Variants in PKLR observed in about 807,000 individuals in gnomAD.
PKLR encodes the protein pyruvate kinase L/R.
Under a neutral mutation model 53.6 loss-of-function variants are expected in PKLR, and 38 were observed. The observed-to-expected ratio is 0.71, with a 90% CI of 0.55 to 0.93. The LOEUF (loss-of-function observed/expected upper bound fraction) is 0.93. PKLR is among the 40% of genes least tolerant of loss of function. PKLR has a pLI of 0.00. For synonymous variants in PKLR, 328 were observed against 316.2 expected, an observed-to-expected ratio of 1.04 and a Z score of -0.39; for missense variants, 702 against 787.3, an observed-to-expected ratio of 0.89 and a Z score of 1.30.
At position 155,299,389 on chromosome 1, in the gene PKLR, C is replaced by T. The variant is rs202043473; in HGVS notation, c.283+709G>A. On this transcript the variant is annotated intron_variant, in intron 2 of 10. Coordinates refer to ENST00000342741, the MANE Select transcript of PKLR (RefSeq NM_000298.6). ...TATTTTTTGTAGAGATGGGTTTTGCCATTTACCCAGACTGGTCTCAAACTC... is the reference window on the plus strand; with the variant it reads ...TATTTTTTGTAGAGATGGGTTTTGCTATTTACCCAGACTGGTCTCAAACTC... 4.7e-5 allele frequency among the ~76,000 whole-genome samples: 7 copies of T among 150,340 alleles called. No individual in the cohort carries two copies. In the East Asian group the frequency reaches 1.4e-3, roughly 29 times the overall value.
chr1:155,295,791 C>T lies in PKLR; in HGVS notation c.284-35G>A. The T allele has an allele frequency of 2.5e-6, 4 of 1,589,548 alleles. No individual in the cohort carries two copies. The highest frequency in any genetic ancestry group is 1.1e-5 in the South Asian group (1 of 90,632). The stretch of plus-strand genomic sequence containing the variant: ...GAGATTCACGTTCAGACAACGTTCC[C>T]CCAGAACATGAGAGGCAACCAAACC... On this transcript the variant is annotated intron_variant, in intron 2 of 10. Coordinates refer to ENST00000342741, the MANE Select transcript of PKLR (RefSeq NM_000298.6). This position sits in a 1 kb window ranked among gnomAD's most constrained non-coding sequence, Gnocchi z 4.3.
intron 2 of PKLR, among the ~76,000 whole-genome samples, chr1:155,299,436 A>G (rs1045485195): frequency 4.1e-5 from 6 of 146,132 alleles, no homozygotes; most frequent in African/African-American, 1.5e-4. Flanking sequence ...CGATCTGCCA[A>G]CCTTGGCCTC....
At chr1:155,297,521 A>T (rs1364463855) in intron 2 of PKLR, among the ~76,000 whole-genome samples, 2 of 151,750 alleles carry the variant, frequency 1.3e-5, no homozygotes, top group East Asian at 3.9e-4. Flanking sequence ...ACTTCTCACC[A>T]CCTCACTGCC....
chr1:155,307,713 G>C, the PKLR span, among the ~76,000 whole-genome samples: 7 of 152,280 alleles, frequency 4.6e-5, no homozygotes, highest in South Asian at 1.5e-3. Flanking sequence ...CAAGTGGCTC[G>C]TACTTGTAAT....
rs377371135 is a variant in PKLR, at chr1:155,295,626, C to T, written c.375+39G>A. 1,143 of 1,613,984 alleles carry T rather than the reference C, an allele frequency of 7.1e-4. No homozygotes were observed. The highest frequency in any genetic ancestry group is 8.5e-4 in the Non-Finnish European group (1,001 of 1,179,932). On this transcript the variant is annotated intron_variant, in intron 3 of 10. Transcript: ENST00000342741. The surrounding 1 kb of genome is among the most constrained non-coding windows in gnomAD (Gnocchi z 4.3). ...GAAGGTGGCCAGGACCTCGAGGCAT[C>T]CTCCTGCCCCACCCACTGCCCGGCG...
chr1:155,300,816 C>T (rs371478441), intron 1 of PKLR: 1 of 1,582,264 alleles, frequency 6.3e-7, no homozygotes, highest in Non-Finnish European at 8.6e-7. Context: ...AAAGCTGCTA[C>T]AGACACAGAG....
intron 9 of PKLR, 106 bp from the exon 10 acceptor site, chr1:155,292,043 T>A: frequency 2.8e-6 from 3 of 1,069,456 alleles, no homozygotes; most frequent in Non-Finnish European, 4.2e-6. Context: ...TGTGTGACCC[T>A]GGGTAAGTCA....
Position 155,300,291 on chromosome 1 carries a change from A to G in PKLR, c.101-11T>C. 9.6e-6 allele frequency: 15 copies of G among 1,568,034 alleles called. No individual in the cohort carries two copies. Among genetic ancestry groups the G allele is most frequent in the Non-Finnish European group, 1.3e-5 (15 of 1,157,114 alleles). On this transcript the variant is annotated splice_polypyrimidine_tract_variant and intron_variant, in intron 1 of 10. Coordinates refer to ENST00000342741, the MANE Select transcript of PKLR (RefSeq NM_000298.6). ...GATACCCCGCTGGCCCTGTGGTAGAAGGGGGCTCAGGGACTGCATGTCACC... is the reference window on the plus strand; with the variant it reads ...GATACCCCGCTGGCCCTGTGGTAGAGGGGGGCTCAGGGACTGCATGTCACC...
chr1:155,290,511 T>C lies in PKLR; in HGVS notation c.*61A>G. 1 of 1,007,934 alleles carries C rather than the reference T, an allele frequency of 9.9e-7. No individual in the cohort carries two copies. The highest frequency in any genetic ancestry group is 2.4e-5 in the East Asian group (1 of 40,834). The allele number at this position is 1,007,934 out of a possible 1,614,324, so 62.4% of individuals were successfully genotyped here. ...TTGGAGGGGTGTGGGCTGGAGAACGTAGACTGGGGAGGAAGGGATGGGGTA... is the reference window on the plus strand; with the variant it reads ...TTGGAGGGGTGTGGGCTGGAGAACGCAGACTGGGGAGGAAGGGATGGGGTA... On this transcript the variant is annotated 3_prime_UTR_variant, in exon 11 of 11. Transcript: ENST00000342741.
chr1:155,300,060 T>A (rs749193668), intron 2 of PKLR, 38 bp downstream of exon 2: 1 of 1,573,634 alleles, frequency 6.4e-7, no homozygotes, highest in Non-Finnish European at 8.7e-7. Flanking sequence ...GAAATACCAA[T>A]AGGCCCTGTG....
At chr1:155,306,597 A>G in the PKLR span, among the ~76,000 whole-genome samples, 3 of 152,316 alleles carry the variant, frequency 2.0e-5, no homozygotes, top group East Asian at 3.9e-4. The surrounding 1 kb of genome is among the most constrained non-coding windows in gnomAD (Gnocchi z 4.2). Flanking sequence ...CCCCCTGGTC[A>G]GACACATACA....
At chr1:155,302,535 C>T (rs896427151), upstream of PKLR, among the ~76,000 whole-genome samples, 1 of 151,762 alleles carries the variant, frequency 6.6e-6, no homozygotes, top group East Asian at 1.9e-4. Context: ...CTGTGCCTGG[C>T]CTAATTTTTG....
At position 155,301,311 on chromosome 1, in the gene PKLR, T is replaced by A; in HGVS notation, c.85A>T (p.Ile29Phe). ...CCCTTCTTACCTCCTGGAGCCCCAATCAGGATGGACTTTGCTAAGTCTCTT... is the reference window on the plus strand; with the variant it reads ...CCCTTCTTACCTCCTGGAGCCCCAAACAGGATGGACTTTGCTAAGTCTCTT... ...SQRDLAKSILIGAPGGPAGYL... is the reference protein window; with the variant it reads ...SQRDLAKSILFGAPGGPAGYL... Residue 29 changes from isoleucine to phenylalanine, a missense_variant, in exon 1 of 11, where the codon ATT becomes TTT. Physicochemically the swap from Ile to Phe is conservative, Grantham distance 21. This residue lies in a region of PKLR where 519 missense variants were observed against 537.1 expected (regional missense o/e 0.97). Transcript: ENST00000342741. 1 of 1,613,998 alleles carries A rather than the reference T, an allele frequency of 6.2e-7. No individual in the cohort carries two copies. Among genetic ancestry groups the A allele is most frequent in the Non-Finnish European group, 8.5e-7 (1 of 1,179,930 alleles).
chr1:155,304,491 C>A (rs577261490), upstream of PKLR, among the ~76,000 whole-genome samples: 12 of 145,604 alleles, frequency 8.2e-5, no homozygotes, highest in African/African-American at 3.1e-4. Context: ...AGAACTACTG[C>A]GGGCTTAGGA....
At chr1:155,300,676 C>T (rs2148219862) in intron 1 of PKLR, among the ~76,000 whole-genome samples, 1 of 152,132 alleles carries the variant, frequency 6.6e-6, no homozygotes, top group East Asian at 1.9e-4. Context: ...TGTCTAGTCC[C>T]CAGCAGCCTC....
At chr1:155,301,473 G>A, upstream of PKLR, 2 of 1,608,504 alleles carry the variant, frequency 1.2e-6, no homozygotes, top group South Asian at 1.1e-5. Context: ...CTTATCTAAG[G>A]GAGACAGAGA....
In PKLR at chr1:155,299,020, TTCTTTCTTTCTTTC is replaced by T. The variant is rs1217056794; in HGVS notation, c.283+1064_283+1077del. Among the ~76,000 whole-genome samples the T allele has an allele frequency of 1.4e-3, 105 of 75,310 alleles. 1 individual carries two copies. The highest frequency in any genetic ancestry group is 5.1e-3 in the African/African-American group (59 of 11,582). The allele number at this position is 75,310 out of a possible 152,430, so 49.4% of individuals were successfully genotyped here. ...TTTCTTTCTTTCTTTCTTTCTTTCT[TTCTTTCTTTCTTTC>T]TCTTTCTTTCTTTCTTTCCTTCCTT... is the stretch of plus-strand genomic sequence containing the variant. On this transcript the variant is annotated intron_variant, in intron 2 of 10. Coordinates refer to ENST00000342741, the MANE Select transcript of PKLR (RefSeq NM_000298.6).
chr1:155,301,975 T>C (rs1010719562), upstream of PKLR, among the ~76,000 whole-genome samples: 1 of 152,186 alleles, frequency 6.6e-6, no homozygotes, highest in African/African-American at 2.4e-5. Flanking sequence ...AAAGATCGAC[T>C]ATTTTGCTAA....
chr1:155,295,007 A>G lies in PKLR; in HGVS notation c.694+109T>C. 1 of 1,297,606 alleles carries G rather than the reference A, an allele frequency of 7.7e-7. No homozygotes were observed. The highest frequency in any genetic ancestry group is 1.1e-6 in the Non-Finnish European group (1 of 915,086). The allele number at this position is 1,297,606 out of a possible 1,614,324, so 80.4% of individuals were successfully genotyped here. On this transcript the variant is annotated intron_variant, in intron 5 of 10. Coordinates refer to ENST00000342741, the MANE Select transcript of PKLR (RefSeq NM_000298.6). The surrounding 1 kb of genome is among the most constrained non-coding windows in gnomAD (Gnocchi z 4.3). ...GGACTCCTGGGACGGGCTGGCAAAAACGCGTGGCCAGGGGAAGGTGTGATC... is the reference window on the plus strand; with the variant it reads ...GGACTCCTGGGACGGGCTGGCAAAAGCGCGTGGCCAGGGGAAGGTGTGATC...
Sources: gnomAD v4.1 joint callset for allele counts (sites outside exome capture counted in the v4.1 genomes callset) on GRCh38, gnomAD v4.1.1 for gene constraint, gnomAD v4.1.1 regional missense constraint, Gnocchi (gnomAD v3.1) non-coding constraint, MANE v1.5 for transcripts, NCBI Gene and HGNC (gene_info 2026-07-23, HGNC 2026-07-21) for gene names.